GDAP2: variants seen among roughly 807,000 people sequenced by gnomAD.
GDAP2 encodes ganglioside induced differentiation associated protein 2.
In GDAP2, 51 loss-of-function variants were observed where a neutral mutation model predicts 67.0. The ratio of observed to expected loss-of-function variants is 0.76; its 90% confidence interval spans 0.61 to 0.96. The LOEUF is 0.96. GDAP2 is among the 40% of genes least tolerant of loss of function. The pLI, the probability that GDAP2 is intolerant of heterozygous loss-of-function variation, is 0.00. For missense variants in GDAP2, 547 were observed against 588.3 expected (o/e 0.93, Z 0.73); for synonymous variants, 203 against 207.3 (o/e 0.98, Z 0.18).
At chr1:117,872,522 G>T (rs1648325845) in intron 13 of GDAP2, among the ~76,000 whole-genome samples, 1 of 152,134 alleles carries the variant, frequency 6.6e-6, no homozygotes, top group African/African-American at 2.4e-5. Flanking sequence ...AAAAAGGAAT[G>T]AGATCATGTC....
intron 6 of GDAP2, among the ~76,000 whole-genome samples, chr1:117,904,178 G>A (rs1021327048): frequency 2.0e-5 from 3 of 151,910 alleles, no homozygotes; most frequent in Non-Finnish European, 4.4e-5. Context: ...TAGCAGAGAT[G>A]GGGTTTCGCC....
chr1:117,910,635 T>C (rs1213305777), intron 5 of GDAP2, among the ~76,000 whole-genome samples: 1 of 152,184 alleles, frequency 6.6e-6, no homozygotes, highest in Non-Finnish European at 1.5e-5. Flanking sequence ...GACTTTAAAT[T>C]CTAGAGATAA....
intron 5 of GDAP2, among the ~76,000 whole-genome samples, chr1:117,908,355 T>G (rs1347300448): frequency 1.3e-5 from 2 of 152,142 alleles, no homozygotes; most frequent in Non-Finnish European, 1.5e-5. Flanking sequence ...AATTTATGGC[T>G]CAGTTACATA....
chr1:117,909,035 A>C (rs1244119515), intron 5 of GDAP2, among the ~76,000 whole-genome samples: 2 of 152,104 alleles, frequency 1.3e-5, no homozygotes, highest in African/African-American at 4.8e-5. Context: ...GCAGTGAAGA[A>C]GACTAATGTC....
rs767750896 is a variant in GDAP2 at position 117,868,914 on chromosome 1, A to G, written c.*1655T>C. ...AAAATGTGTTCAATACATGCAAAAG[A>G]TAAGAACCTTTATCTAAAAAATGTA... On this transcript the variant is annotated 3_prime_UTR_variant, in exon 14 of 14. Coordinates refer to ENST00000369443, the MANE Select transcript of GDAP2 (RefSeq NM_017686.4). 1 of 152,206 alleles carries G rather than the reference A, an allele frequency of 6.6e-6. No individual in the cohort carries two copies. The highest frequency in any genetic ancestry group is 1.5e-5 in the Non-Finnish European group (1 of 68,038). The allele number at this position is 152,206 out of a possible 1,614,324, so 9.4% of individuals were successfully genotyped here.
intron 6 of GDAP2, among the ~76,000 whole-genome samples, chr1:117,905,624 G>C (rs1376217346): frequency 6.6e-6 from 1 of 151,976 alleles, no homozygotes; most frequent in Non-Finnish European, 1.5e-5. Context: ...AATGATAAAG[G>C]CTCCTTGAGG....
At chr1:117,880,118 T>C (rs1382955847) in intron 12 of GDAP2, among the ~76,000 whole-genome samples, 1 of 152,082 alleles carries the variant, frequency 6.6e-6, no homozygotes, top group East Asian at 1.9e-4. Context: ...CCAGGAGTTC[T>C]AGGTCACAGA....
rs1648740085 is a variant in GDAP2, at chr1:117,883,540, T to G, written c.1195A>C (p.Asn399His). ...TTCAGGAAGTCGGAGTCCAGGTGAT[T>G]GTATTCGCTGGTCAGGGTGTGAAAA... ...VYFHTLTSEY[N>H]HLDSDFLKKL... Residue 399 changes from asparagine to histidine, a missense_variant, in exon 11 of 14, where the codon AAT (asparagine) becomes CAT (histidine). Transcript: ENST00000369443. 1 of 1,610,778 alleles carries G rather than the reference T, an allele frequency of 6.2e-7. No homozygotes were observed. Among genetic ancestry groups the G allele is most frequent in the Admixed American group, 1.7e-5 (1 of 59,940 alleles).
chr1:117,867,019 A>C lies in GDAP2; in HGVS notation c.*3550T>G, dbSNP rs1331143994. ...TCCTCTATATAGTACTTCAAATTCT[A>C]ATCATTTCTGTGCATATATTAAGCA... On this transcript the variant is annotated 3_prime_UTR_variant, in exon 14 of 14. Transcript: ENST00000369443. 1 of 152,162 alleles carries C rather than the reference A, an allele frequency of 6.6e-6. No individual in the cohort carries two copies. The highest frequency in any genetic ancestry group is 1.5e-5 in the Non-Finnish European group (1 of 68,028). The allele number at this position is 152,162 out of a possible 1,614,324, so 9.4% of individuals were successfully genotyped here.
At chr1:117,904,649 C>T (rs916159864) in intron 6 of GDAP2, among the ~76,000 whole-genome samples, 20 of 152,302 alleles carry the variant, frequency 1.3e-4, no homozygotes, top group Admixed American at 1.2e-3. Context: ...TAAGTTGCCA[C>T]GGCACTGTGG....
intron 13 of GDAP2, among the ~76,000 whole-genome samples, chr1:117,872,032 T>C (rs751086065): frequency 1.3e-5 from 2 of 151,968 alleles, no homozygotes; most frequent in African/African-American, 2.4e-5. Context: ...GCAAAGGATA[T>C]GAACAGACAC....
In GDAP2 at chr1:117,912,658, C is replaced by T. The variant is rs1649900785; in HGVS notation, c.342G>A (p.Leu114=). The change falls in exon 4 of 14, where the codon TTG becomes TTA. Residue 114 remains leucine (L), a synonymous_variant. Coordinates refer to ENST00000369443, the MANE Select transcript of GDAP2 (RefSeq NM_017686.4). ...LKGCRTGEAK[L]TKGFNLAARF... ...GGGCAGCTAGATTGAATCCTTTTGT[C>T]AATTTTGCTTCACCTGTTCGGCACC... The T allele has an allele frequency of 6.2e-7, 1 of 1,613,406 alleles. No homozygotes were observed. Among genetic ancestry groups the T allele is most frequent in the Non-Finnish European group, 8.5e-7 (1 of 1,179,612 alleles).
chr1:117,882,856 CA>C (rs1648702090), intron 11 of GDAP2: 1 of 151,790 alleles, frequency 6.6e-6, no homozygotes, highest in African/African-American at 2.4e-5. Flanking sequence ...TGTGATGCTA[CA>C]AATAACAGAA....
chr1:117,894,144 T>C (rs1350474595), intron 8 of GDAP2, among the ~76,000 whole-genome samples: 2 of 144,708 alleles, frequency 1.4e-5, no homozygotes, highest in Non-Finnish European at 3.0e-5. Context: ...TCAATAACAT[T>C]TTTTTTTTTT....
intron 13 of GDAP2, among the ~76,000 whole-genome samples, chr1:117,871,436 A>C (rs1648252962): frequency 6.6e-6 from 1 of 152,212 alleles, no homozygotes; most frequent in Admixed American, 6.5e-5. Context: ...TTTGACAAAG[A>C]ATTTGTTTTT....
chr1:117,900,278 G>C (rs1460407564), intron 6 of GDAP2, among the ~76,000 whole-genome samples: 1 of 152,060 alleles, frequency 6.6e-6, no homozygotes, highest in Non-Finnish European at 1.5e-5. Context: ...ACCATACCCA[G>C]TTTCAGTGGT....
chr1:117,912,574 C>G lies in GDAP2; in HGVS notation c.426G>C (p.Glu142Asp), dbSNP rs1453681358. 4 of 1,613,472 alleles carry G rather than the reference C, an allele frequency of 2.5e-6. No individual in the cohort carries two copies. Among genetic ancestry groups the G allele is most frequent in the Non-Finnish European group, 2.5e-6 (3 of 1,179,480 alleles). ...TTCTGTAGCAGCTATAAAGGGAACTCTCAGCTGCTGTGCGATAGCGGCTTT... is the reference window on the plus strand; with the variant it reads ...TTCTGTAGCAGCTATAAAGGGAACTGTCAGCTGCTGTGCGATAGCGGCTTT... Reference protein sequence around the residue: ...KYKSRYRTAAESSLYSCYRNV... With the variant: ...KYKSRYRTAADSSLYSCYRNV... Residue 142 changes from glutamate (E) to aspartate (D), a missense_variant, in exon 4 of 14, where the codon GAG becomes GAC. Glu to Asp is a conservative substitution (Grantham distance 45). Coordinates refer to ENST00000369443, the MANE Select transcript of GDAP2 (RefSeq NM_017686.4).
chr1:117,893,035 T>C (rs965526437), intron 8 of GDAP2, among the ~76,000 whole-genome samples: 1 of 152,054 alleles, frequency 6.6e-6, no homozygotes, highest in Non-Finnish European at 1.5e-5. Flanking sequence ...TGCAGGCGGG[T>C]GCTGTATCTG....
chr1:117,882,986 C>G (rs1648708111), intron 11 of GDAP2: 1 of 152,172 alleles, frequency 6.6e-6, no homozygotes, highest in South Asian at 2.1e-4. Context: ...GTTAAAATTT[C>G]CATTATCATT....
Sources: allele counts gnomAD v4.1 joint callset (sites outside exome capture counted in the v4.1 genomes callset), GRCh38; gene constraint gnomAD v4.1.1; transcripts MANE v1.5; gene names NCBI Gene and HGNC (gene_info 2026-07-23, HGNC 2026-07-21).